The following UTRN variants were observed in gnomAD, a reference collection of about 807,000 sequenced individuals.
The protein encoded by UTRN is utrophin.
In UTRN, 283 loss-of-function variants were observed where a neutral mutation model predicts 463.9. The observed-to-expected ratio is 0.61, with a 90% CI of 0.55 to 0.67. The LOEUF (loss-of-function observed/expected upper bound fraction) is 0.67, where lower values mean the gene tolerates loss of function less well. Ranked by LOEUF, UTRN falls within the 30% of genes least tolerant of loss-of-function variation. UTRN has a pLI of 0.00. For missense variants in UTRN, 3,922 were observed against 4,084.3 expected (o/e 0.96, Z 1.08); for synonymous variants, 1,442 against 1,431.5 (o/e 1.01, Z -0.17).
chr6:144,840,943 C>A, intron 73 of UTRN, 111 bp downstream of exon 73: 1 of 1,112,158 alleles, frequency 9.0e-7, no homozygotes, highest in Non-Finnish European at 1.3e-6. Flanking sequence ...TTATTACAAA[C>A]AGGACTGAAT....
chr6:144,675,095 G>A (rs1054607937), intron 51 of UTRN, among the ~76,000 whole-genome samples: 11 of 152,098 alleles, frequency 7.2e-5, no homozygotes, highest in Admixed American at 2.0e-4. Context: ...TGTTTCATTG[G>A]AAAGATCTGG....
intron 65 of UTRN, among the ~76,000 whole-genome samples, chr6:144,807,311 T>C (rs1778233881): frequency 6.6e-6 from 1 of 152,158 alleles, no homozygotes; most frequent in Admixed American, 6.6e-5. Flanking sequence ...TTTATGGTAA[T>C]GTTTTCCTTT....
intron 50 of UTRN, among the ~76,000 whole-genome samples, chr6:144,565,474 G>T (rs544910065): frequency 2.2e-4 from 33 of 152,078 alleles, no homozygotes; most frequent in South Asian, 4.2e-4. Context: ...GAAGAGAGGG[G>T]TATGCTTAAC....
intron 3 of UTRN, among the ~76,000 whole-genome samples, chr6:144,404,981 T>C (rs938945744): frequency 1.3e-5 from 2 of 152,204 alleles, no homozygotes; most frequent in African/African-American, 2.4e-5. Flanking sequence ...CCCATGTAAA[T>C]TGTTTGCCCT....
chr6:144,618,001 T>C (rs1321048162), intron 51 of UTRN, among the ~76,000 whole-genome samples: 4 of 152,188 alleles, frequency 2.6e-5, no homozygotes, highest in Non-Finnish European at 5.9e-5. Context: ...TTGACTGTAT[T>C]GTATTGTTTC....
chr6:144,533,751 T>C (rs1041659994), intron 43 of UTRN, among the ~76,000 whole-genome samples: 5 of 142,728 alleles, frequency 3.5e-5, no homozygotes, highest in African/African-American at 1.2e-4. Flanking sequence ...GTATTATTAA[T>C]TTTTATGTCA....
At position 144,437,753 on chromosome 6, in the gene UTRN, G is replaced by C. The variant is rs771003677; in HGVS notation, c.1241+7G>C. Reference sequence around the variant, plus strand: ...GTATGGACAGACAGTCCCGGTGAGTGGAAAGCCAAGAAATGCACTTAATTC... The same window carrying C: ...GTATGGACAGACAGTCCCGGTGAGTCGAAAGCCAAGAAATGCACTTAATTC... On this transcript the variant is annotated splice_region_variant and intron_variant, in intron 11 of 74. Coordinates refer to ENST00000367545, the MANE Select transcript of UTRN (RefSeq NM_007124.3). 26 of 1,604,056 alleles carry C rather than the reference G, an allele frequency of 1.6e-5. No homozygotes were observed. In the East Asian group the frequency reaches 5.8e-4, roughly 36 times the overall value.
rs11970368 is a variant in UTRN at position 144,742,600 on chromosome 6, A to C, written c.7940-5646A>C. Reference sequence around the variant, plus strand: ...TTTGCTTATGTGAAAATCTCTACAGATATCTAAGCCTCCCAGAGCTAGTTA... The same window carrying C: ...TTTGCTTATGTGAAAATCTCTACAGCTATCTAAGCCTCCCAGAGCTAGTTA... On this transcript the variant is annotated intron_variant, in intron 54 of 74. Coordinates refer to ENST00000367545, the MANE Select transcript of UTRN (RefSeq NM_007124.3). 2.9e-3 allele frequency among the ~76,000 whole-genome samples: 436 copies of C among 152,300 alleles called. 1 individual carries two copies. The highest frequency in any genetic ancestry group is 9.9e-3 in the African/African-American group (411 of 41,564).
At chr6:144,453,192 G>A (rs182611644) in intron 18 of UTRN, among the ~76,000 whole-genome samples, 8 of 151,932 alleles carry the variant, frequency 5.3e-5, no homozygotes, top group East Asian at 1.9e-4. Context: ...GTGCAATCTC[G>A]GCTCCCTGCA....
At chr6:144,447,121 T>A in intron 14 of UTRN, 90 bp from the exon 15 acceptor site, 1 of 1,234,072 alleles carries the variant, frequency 8.1e-7, no homozygotes, top group Non-Finnish European at 1.1e-6. Context: ...AAGCCTCTAA[T>A]AAAATAAAAG....
intron 69 of UTRN, among the ~76,000 whole-genome samples, chr6:144,830,325 A>C (rs1780557780): frequency 6.6e-6 from 1 of 152,154 alleles, no homozygotes; most frequent in Non-Finnish European, 1.5e-5. Context: ...ATATTAACTC[A>C]TTCACCCATC....
chr6:144,496,175 T>C (rs1411149251), intron 33 of UTRN, among the ~76,000 whole-genome samples: 1 of 152,228 alleles, frequency 6.6e-6, no homozygotes. Flanking sequence ...TAATAGGTAA[T>C]ATTGAAAACC....
intron 2 of UTRN, among the ~76,000 whole-genome samples, chr6:144,342,879 C>T (rs1328523403): frequency 2.0e-5 from 3 of 152,184 alleles, no homozygotes; most frequent in Non-Finnish European, 4.4e-5. Flanking sequence ...GGGACATCAT[C>T]TGTATCACTG....
intron 50 of UTRN, among the ~76,000 whole-genome samples, chr6:144,560,429 A>G (rs1187643731): frequency 2.6e-5 from 4 of 152,126 alleles, no homozygotes; most frequent in Non-Finnish European, 5.9e-5. Flanking sequence ...TTTTTTATGC[A>G]TAATGTAATG....
intron 51 of UTRN, among the ~76,000 whole-genome samples, chr6:144,647,045 G>T (rs561501124): frequency 9.1e-4 from 139 of 152,194 alleles, no homozygotes; most frequent in African/African-American, 2.8e-3. Context: ...CCAGAAGAGA[G>T]GATAGGAGTA....
At chr6:144,368,478 AT>A (rs1250681891) in intron 2 of UTRN, among the ~76,000 whole-genome samples, 1 of 152,200 alleles carries the variant, frequency 6.6e-6, no homozygotes, top group Non-Finnish European at 1.5e-5. Flanking sequence ...CCATTAAGGA[AT>A]ATACATGATA....
chr6:144,667,633 T>G (rs1780561042), intron 51 of UTRN, among the ~76,000 whole-genome samples: 1 of 152,222 alleles, frequency 6.6e-6, no homozygotes, highest in Non-Finnish European at 1.5e-5. Context: ...TGCACACCTT[T>G]AAATATGTCT....
chr6:144,476,864 A>G (rs114260101), intron 25 of UTRN, among the ~76,000 whole-genome samples: 2,774 of 152,250 alleles, frequency 0.018, 53 homozygotes, highest in African/African-American at 0.047. Context: ...AGCATAACCA[A>G]CTTTGAGAAA....
intron 2 of UTRN, among the ~76,000 whole-genome samples, chr6:144,321,721 C>T (rs1186959685): frequency 6.6e-6 from 1 of 151,110 alleles, no homozygotes; most frequent in African/African-American, 2.4e-5. Context: ...CTGCCCACCT[C>T]GGCCTCCCAA....
Sources: gnomAD v4.1 joint callset for allele counts (sites outside exome capture counted in the v4.1 genomes callset) on GRCh38, gnomAD v4.1.1 for gene constraint, MANE v1.5 for transcripts, NCBI Gene and HGNC (gene_info 2026-07-23, HGNC 2026-07-21) for gene names.